KIAA1549L: variants seen among roughly 807,000 people sequenced by gnomAD.
KIAA1549L encodes UPF0606 protein KIAA1549L.
In KIAA1549L, 88 loss-of-function variants were observed where a neutral mutation model predicts 160.7. The observed-to-expected ratio is 0.55, with a 90% CI of 0.46 to 0.65. The LOEUF (loss-of-function observed/expected upper bound fraction) is 0.65, where lower values mean the gene tolerates loss of function less well. Among genes scored for constraint, KIAA1549L ranks in the 30% least tolerant of loss-of-function variants. The pLI is 0.00. For synonymous variants in KIAA1549L, 950 were observed against 976.7 expected (o/e 0.97, Z 0.51); for missense variants, 2,258 against 2,437.5 (o/e 0.93, Z 1.55).
chr11:33,503,828 T>C (rs1565161557), intron 1 of KIAA1549L, among the ~76,000 whole-genome samples: 1 of 152,252 alleles, frequency 6.6e-6, no homozygotes, highest in Non-Finnish European at 1.5e-5. Context: ...CCTTCAATTA[T>C]TAACTTGTTC....
At chr11:33,410,623 C>T (rs1241611509) in intron 1 of KIAA1549L, among the ~76,000 whole-genome samples, 1 of 152,190 alleles carries the variant, frequency 6.6e-6, no homozygotes, top group East Asian at 1.9e-4. Context: ...ATGACCTCAT[C>T]TCACCCACTG....
rs554547536 is a variant in KIAA1549L at position 33,443,367 on chromosome 11, G to C, written c.238+66478G>C. Reference sequence around the variant, plus strand: ...CCTATTTCCTTAAAACTTTATCTGTGGGGATTGTTAGAGCCCTGTGTTTAA... The same window carrying C: ...CCTATTTCCTTAAAACTTTATCTGTCGGGATTGTTAGAGCCCTGTGTTTAA... On this transcript the variant is annotated intron_variant, in intron 1 of 20. Transcript: ENST00000658780. Among the ~76,000 whole-genome samples the C allele has an allele frequency of 5.9e-5, 9 of 151,890 alleles. 1 individual carries two copies. Among genetic ancestry groups the C allele is most frequent in the African/African-American group, 2.2e-4 (9 of 41,410 alleles).
chr11:33,649,403 A>G (rs1851818047), intron 17 of KIAA1549L, among the ~76,000 whole-genome samples: 1 of 145,982 alleles, frequency 6.9e-6, no homozygotes, highest in African/African-American at 2.5e-5. Flanking sequence ...TGGGAGGCTG[A>G]GTTGGGAGAT....
At chr11:33,435,842 A>ATGTGTG (rs71034688) in intron 1 of KIAA1549L, among the ~76,000 whole-genome samples, 1 of 67,632 alleles carries the variant, frequency 1.5e-5, no homozygotes, top group African/African-American at 9.6e-5. Context: ...GTATATGTAT[A>ATGTGTG]TGTGTGTGTG....
intron 1 of KIAA1549L, among the ~76,000 whole-genome samples, chr11:33,533,261 A>G (rs1205429261): frequency 1.3e-5 from 2 of 152,146 alleles, no homozygotes; most frequent in East Asian, 3.8e-4. Context: ...AGAATGATAA[A>G]CTAGCAGCGC....
chr11:33,609,083 A>G (rs1850580669), intron 14 of KIAA1549L, among the ~76,000 whole-genome samples: 1 of 152,264 alleles, frequency 6.6e-6, no homozygotes, highest in Non-Finnish European at 1.5e-5. Flanking sequence ...TGCAAGGTAC[A>G]TTAGCCACGT....
At chr11:33,435,818 G>A (rs12284634) in intron 1 of KIAA1549L, among the ~76,000 whole-genome samples, 6,681 of 45,044 alleles carry the variant, frequency 0.15, 1,912 homozygotes, top group African/African-American at 0.46. Flanking sequence ...ATATGTGTGT[G>A]TATATATATA....
intron 19 of KIAA1549L, 28 bp downstream of exon 19, chr11:33,658,926 C>A: frequency 6.6e-7 from 1 of 1,524,518 alleles, no homozygotes. Context: ...CCGAGTGTGC[C>A]CCCCACCACT....
chr11:33,477,596 C>A, intron 1 of KIAA1549L, among the ~76,000 whole-genome samples: 1 of 151,416 alleles, frequency 6.6e-6, no homozygotes, highest in East Asian at 1.9e-4. Context: ...GCTCACTTTT[C>A]CAGCCTTGTT....
chr11:33,627,388 G>C (rs1217341304), intron 16 of KIAA1549L, among the ~76,000 whole-genome samples: 1 of 150,650 alleles, frequency 6.6e-6, no homozygotes, highest in Non-Finnish European at 1.5e-5. Flanking sequence ...ATCTGGTCCT[G>C]GAATCTTTTT....
chr11:33,528,529 A>G (rs954433815), intron 1 of KIAA1549L, among the ~76,000 whole-genome samples: 8 of 152,264 alleles, frequency 5.3e-5, no homozygotes, highest in Admixed American at 4.6e-4. Flanking sequence ...TTGCACATGC[A>G]TGTTTATAGC....
At chr11:33,440,884 TG>T (rs1480241987) in intron 1 of KIAA1549L, among the ~76,000 whole-genome samples, 5 of 152,218 alleles carry the variant, frequency 3.3e-5, no homozygotes, top group African/African-American at 1.2e-4. Flanking sequence ...ATACTTTTAC[TG>T]GATGTATTAT....
chr11:33,441,669 A>G (rs1361034062), intron 1 of KIAA1549L, among the ~76,000 whole-genome samples: 1 of 152,212 alleles, frequency 6.6e-6, no homozygotes, highest in Non-Finnish European at 1.5e-5. Context: ...TCTGATGGCC[A>G]GTGATGATGA....
At chr11:33,511,799 T>G (rs1485680173) in intron 1 of KIAA1549L, among the ~76,000 whole-genome samples, 1 of 152,216 alleles carries the variant, frequency 6.6e-6, no homozygotes, top group Non-Finnish European at 1.5e-5. Flanking sequence ...CTAGCTTAGG[T>G]TAGTATCTCA....
At chr11:33,383,186 A>G (rs12293762) in intron 1 of KIAA1549L, among the ~76,000 whole-genome samples, 1,919 of 152,158 alleles carry the variant, frequency 0.013, 52 homozygotes, top group African/African-American at 0.044. Context: ...TTACTGGAAT[A>G]TGATCTGAGA....
intron 1 of KIAA1549L, among the ~76,000 whole-genome samples, chr11:33,495,032 A>T (rs1276898248): frequency 6.6e-6 from 1 of 152,186 alleles, no homozygotes; most frequent in Non-Finnish European, 1.5e-5. Flanking sequence ...GGGAATTGTC[A>T]AGTGCCTTAG....
chr11:33,572,556 G>A (rs755262687), intron 9 of KIAA1549L, among the ~76,000 whole-genome samples: 3 of 152,074 alleles, frequency 2.0e-5, no homozygotes, highest in Non-Finnish European at 4.4e-5. Context: ...GAATCCTACA[G>A]TACATACTCT....
At chr11:33,395,589 T>C (rs1261098833) in intron 1 of KIAA1549L, among the ~76,000 whole-genome samples, 1 of 152,170 alleles carries the variant, frequency 6.6e-6, no homozygotes, top group Non-Finnish European at 1.5e-5. Context: ...TCCTTAGGTT[T>C]TTGGAGAACA....
At chr11:33,379,225 G>A (rs1850023165) in intron 1 of KIAA1549L, among the ~76,000 whole-genome samples, 1 of 152,134 alleles carries the variant, frequency 6.6e-6, no homozygotes, top group Non-Finnish European at 1.5e-5. Flanking sequence ...AAATTCTGTA[G>A]CAATTGTTCA....
Sources: gnomAD v4.1 joint callset for allele counts (sites outside exome capture counted in the v4.1 genomes callset) on GRCh38, gnomAD v4.1.1 for gene constraint, MANE v1.5 for transcripts, NCBI Gene and HGNC (gene_info 2026-07-23, HGNC 2026-07-21) for gene names.